Variants in RDH16 observed in about 807,000 individuals in gnomAD.
The protein encoded by RDH16 is retinol dehydrogenase 16, also known as human epidermal retinol dehydrogenase.
Under a neutral mutation model 22.3 loss-of-function variants are expected in RDH16, and 25 were observed. The ratio of observed to expected loss-of-function variants is 1.12; its 90% CI spans 0.82 to 1.56. The LOEUF is 1.56. RDH16 is among the 40% of genes most tolerant of loss of function. The pLI, the probability that RDH16 is intolerant of heterozygous loss-of-function variation, is 0.00. For missense variants in RDH16, 413 were observed against 394.9 expected (o/e 1.05, Z -0.39); for synonymous variants, 154 against 164.4 (o/e 0.94, Z 0.48).
rs1565618016 is a variant in RDH16, at chr12:56,952,695, G to A, written c.736+132C>T. ...CACACAGCACCCATCATGGAAATGG[G>A]GCTAAAGGTCTCCACTCTGTGGGGA... On this transcript the variant is annotated intron_variant, in intron 3 of 3. Transcript: ENST00000398138. The A allele has an allele frequency of 4.4e-6, 5 of 1,148,976 alleles. No homozygotes were observed. The East Asian group carries it at 1.2e-4, about 28-fold the overall frequency. The allele number at this position is 1,148,976 out of a possible 1,614,324, so 71.2% of individuals were successfully genotyped here. A position where few individuals can be genotyped will look rare whatever the true frequency, so the allele number is the denominator to read the frequency against.
At chr12:56,952,678 A>T (rs1025284175) in intron 3 of RDH16, 149 bp downstream of exon 3, 9 of 947,450 alleles carry the variant, frequency 9.5e-6, no homozygotes, top group African/African-American at 1.7e-5. Context: ...ACCACACAGC[A>T]CCCATCATGG....
intron 2 of RDH16, among the ~76,000 whole-genome samples, chr12:56,954,527 G>A (rs775951948): frequency 6.6e-6 from 1 of 152,214 alleles, no homozygotes; most frequent in Non-Finnish European, 1.5e-5. Context: ...CCTGGGATTA[G>A]TCATTGATAC....
chr12:56,954,038 C>T (rs983042836), intron 2 of RDH16, among the ~76,000 whole-genome samples: 1 of 152,178 alleles, frequency 6.6e-6, no homozygotes, highest in Non-Finnish European at 1.5e-5. Flanking sequence ...ATGAATTCTG[C>T]TGGGAAAGAC....
Position 56,952,290 on chromosome 12 carries a change from C to T in RDH16, c.737-44G>A, listed in dbSNP as rs745308979. ...AATCCATGTATATTTCCACCTCTAA[C>T]CGCTCCTGCTTTGGATTCAACTTAG... On this transcript the variant is annotated intron_variant, in intron 3 of 3. Coordinates refer to ENST00000398138, the MANE Select transcript of RDH16 (RefSeq NM_003708.5). 8 of 1,566,204 alleles carry T rather than the reference C, an allele frequency of 5.1e-6. No homozygotes were observed. The South Asian group carries it at 6.9e-5, about 13-fold the overall frequency.
intron 3 of RDH16, 120 bp downstream of exon 3, chr12:56,952,707 C>G (rs1955892789): frequency 7.9e-7 from 1 of 1,272,684 alleles, no homozygotes; most frequent in Non-Finnish European, 1.1e-6. Context: ...CTAAAGGTCT[C>G]CACTCTGTGG....
chr12:56,952,017 C>G lies in RDH16; in HGVS notation c.*12G>C, dbSNP rs756036021. 30 of 1,611,976 alleles carry G rather than the reference C, an allele frequency of 1.9e-5. No homozygotes were observed. The highest frequency in any genetic ancestry group is 2.5e-5 in the Non-Finnish European group (29 of 1,178,142). ...ACCCCAAATCCATGCAACCATGCAT[C>G]CAACCTTAGCTTCATAGAGCCTTGG... On this transcript the variant is annotated 3_prime_UTR_variant, in exon 4 of 4. Transcript: ENST00000398138.
At position 56,951,644 on chromosome 12, in the gene RDH16, C is replaced by CGTAT; in HGVS notation, c.*384_*385insATAC. 1 of 244,082 alleles carries CGTAT rather than the reference C, an allele frequency of 4.1e-6. No homozygotes were observed. Among genetic ancestry groups the CGTAT allele is most frequent in the Non-Finnish European group, 8.2e-6 (1 of 122,336 alleles). The allele number at this position is 244,082 out of a possible 1,614,324, so 15.1% of individuals were successfully genotyped here. On this transcript the variant is annotated 3_prime_UTR_variant, in exon 4 of 4. Coordinates refer to ENST00000398138, the MANE Select transcript of RDH16 (RefSeq NM_003708.5). ...ACCCCGTGGGAGGGTGTAGACTGGC[C>CGTAT]CAGAATTAACACACAGCCTGATAAG...
At chr12:56,953,245 G>C (rs1378143053) in intron 2 of RDH16, among the ~76,000 whole-genome samples, 1 of 152,170 alleles carries the variant, frequency 6.6e-6, no homozygotes, top group Non-Finnish European at 1.5e-5. Flanking sequence ...CAGCACCTTA[G>C]TGCTGTCTCC....
At chr12:56,953,511 G>A (rs1441717587) in intron 2 of RDH16, among the ~76,000 whole-genome samples, 1 of 152,188 alleles carries the variant, frequency 6.6e-6, no homozygotes, top group East Asian at 1.9e-4. Context: ...CTTTTCTGGA[G>A]GGGGTTCCAC....
At chr12:56,954,792 G>A (rs1176455579) in intron 2 of RDH16, 114 bp downstream of exon 2, 6 of 1,110,914 alleles carry the variant, frequency 5.4e-6, no homozygotes, top group Middle Eastern at 3.0e-4. Context: ...TGAAGACAGA[G>A]AGTGATCTCA....
At position 56,957,163 on chromosome 12, in the gene RDH16, G is replaced by T; in HGVS notation, c.300C>A (p.Cys100Ter). ...CTGGGTGGTTACCTTTGTCTCTCAC[G>T]CACTCCTTCACCCACTGGGCGGCTG... The part of the protein sequence containing the change: ...VAAAAQWVKE[C>*]VRDKGLWGLV... The change falls in exon 1 of 4, where the codon TGC becomes TGA. Residue 100 changes from cysteine (C) to a stop codon, truncating the protein, a stop_gained. Transcript: ENST00000398138. LOFTEE classifies it high-confidence loss of function. 2.5e-6 allele frequency: 4 copies of T among 1,609,810 alleles called. No homozygotes were observed. The highest frequency in any genetic ancestry group is 3.4e-6 in the Non-Finnish European group (4 of 1,176,590).
chr12:56,952,374 A>C (rs991943279), intron 3 of RDH16, 128 bp from the exon 4 acceptor site: 2 of 828,958 alleles, frequency 2.4e-6, no homozygotes, highest in Admixed American at 4.7e-5. Context: ...CAATGCCTCA[A>C]ATCTCTTTTA....
At chr12:56,952,716 G>A in intron 3 of RDH16, 111 bp downstream of exon 3, 6 of 1,337,088 alleles carry the variant, frequency 4.5e-6, no homozygotes, top group Non-Finnish European at 6.1e-6. Flanking sequence ...TCCACTCTGT[G>A]GGGAAGGGAG....
In RDH16 at chr12:56,957,439, G is replaced by A. The variant is rs771014684; in HGVS notation, c.24C>T (p.Phe8=). Residue 8 remains phenylalanine, a synonymous_variant, in exon 1 of 4, where the codon TTC becomes TTT. Transcript: ENST00000398138. The part of the protein sequence containing the change: MWLYLAV[F]VGLYYLLHWY... ...AGTGCAGAAGGTAGTACAGGCCCAC[G>A]AAAACCGCCAGGTAGAGCCACATGG... The A allele has an allele frequency of 1.6e-5, 26 of 1,612,644 alleles. No homozygotes were observed. Among genetic ancestry groups the A allele is most frequent in the Admixed American group, 1.3e-4 (8 of 59,978 alleles).
chr12:56,956,855 G>A (rs1955932905), intron 1 of RDH16, among the ~76,000 whole-genome samples: 1 of 152,112 alleles, frequency 6.6e-6, no homozygotes, highest in African/African-American at 2.4e-5. Flanking sequence ...CAGGCTCTTA[G>A]CATCAAACAA....
chr12:56,953,607 C>G (rs1395279558), intron 2 of RDH16, among the ~76,000 whole-genome samples: 3 of 152,234 alleles, frequency 2.0e-5, no homozygotes, highest in Non-Finnish European at 4.4e-5. Context: ...GCATCCCCCA[C>G]CAGGCTTGGC....
Position 56,957,301 on chromosome 12 carries a change from C to T in RDH16, c.162G>A (p.Leu54=), listed in dbSNP as rs199951589. ...LLARQLDARG[L]RVLAACLTEK... ...CCGTCAGACATGCAGCCAGCACCCGCAAGCCTCGTGCATCCAGCTGTCTGG... is the reference window on the plus strand; with the variant it reads ...CCGTCAGACATGCAGCCAGCACCCGTAAGCCTCGTGCATCCAGCTGTCTGG... The change falls in exon 1 of 4, where the codon TTG becomes TTA. Residue 54 remains leucine, a synonymous_variant. Coordinates refer to ENST00000398138, the MANE Select transcript of RDH16 (RefSeq NM_003708.5). 63 of 1,614,106 alleles carry T rather than the reference C, an allele frequency of 3.9e-5. No individual in the cohort carries two copies. In the African/African-American group the frequency reaches 6.8e-4, roughly 17 times the overall value.
At chr12:56,954,806 A>G (rs1955911560) in intron 2 of RDH16, 100 bp downstream of exon 2, 1 of 1,288,580 alleles carries the variant, frequency 7.8e-7, no homozygotes, top group Non-Finnish European at 1.1e-6. Context: ...GATCTCATGA[A>G]AGGAACTTAC....
rs1955912823 is a variant in RDH16 at position 56,954,902 on chromosome 12, A to T, written c.572+4T>A. The T allele has an allele frequency of 6.2e-7, 1 of 1,614,144 alleles. No individual in the cohort carries two copies. Among genetic ancestry groups the T allele is most frequent in the African/African-American group, 1.3e-5 (1 of 75,060 alleles). On this transcript the variant is annotated splice_donor_region_variant and intron_variant, in intron 2 of 3. Transcript: ENST00000398138. ...CTAGGGTGGGCCCCATCCCAGACCC[A>T]TACCTGAGGGAGTCAGAGAAGGCTT... is the stretch of plus-strand genomic sequence containing the variant.
Sources: gnomAD v4.1 joint callset for allele counts (sites outside exome capture counted in the v4.1 genomes callset) on GRCh38, gnomAD v4.1.1 for gene constraint, MANE v1.5 for transcripts, NCBI Gene and HGNC (gene_info 2026-07-23, HGNC 2026-07-21) for gene names.